Variants in LRRC56 observed in about 807,000 individuals in gnomAD.
The protein encoded by LRRC56 is leucine rich repeat containing 56.
A neutral mutation model predicts 47.8 loss-of-function variants in LRRC56; 41 were observed. That is an observed-to-expected ratio of 0.86 (90% CI 0.67 to 1.11). The LOEUF (loss-of-function observed/expected upper bound fraction) is 1.11. LRRC56 is among the 50% of genes most tolerant of loss of function. The pLI is 0.00. For missense variants in LRRC56, 759 were observed against 704.2 expected, an observed-to-expected ratio of 1.08 and a Z score of -0.88; for synonymous variants, 387 against 311.2, an observed-to-expected ratio of 1.24 and a Z score of -2.56.
Position 551,746 on chromosome 11 carries a change from C to A in LRRC56, c.892C>A (p.Leu298Met), listed in dbSNP as rs144149305. The change falls in exon 10 of 14, where the codon CTG (leucine) becomes ATG (methionine). Residue 298 changes from leucine to methionine, a missense_variant. Leu to Met is a conservative substitution (Grantham distance 15). Transcript: ENST00000270115. ...RASRPWPFSL[L>M]VRGGPLPEGL... ...CTCCAGGCCCTGGCCCTTCTCCCTG[C>A]TGGTCCGTGGGGGCCCCCTGCCTGA... 1.2e-5 allele frequency: 20 copies of A among 1,611,478 alleles called. No homozygotes were observed. Among genetic ancestry groups the A allele is most frequent in the Non-Finnish European group, 1.7e-5 (20 of 1,179,296 alleles).
chr11:551,532 C>CG, intron 9 of LRRC56, 119 bp from the exon 10 acceptor site: 1 of 1,098,718 alleles, frequency 9.1e-7, no homozygotes, highest in Non-Finnish European at 1.3e-6. Flanking sequence ...AAGGCTGCAG[C>CG]GTGAGAGGCC....
In LRRC56 at chr11:541,772, G is replaced by A. The variant is rs1038580547; in HGVS notation, c.265+148G>A. The A allele has an allele frequency of 3.7e-6, 2 of 542,720 alleles. No homozygotes were observed. Among genetic ancestry groups the A allele is most frequent in the African/African-American group, 2.0e-5 (1 of 50,882 alleles). The allele number at this position is 542,720 out of a possible 1,614,324, so 33.6% of individuals were successfully genotyped here. On this transcript the variant is annotated intron_variant, in intron 5 of 13. Transcript: ENST00000270115. The surrounding 1 kb of genome is among the most constrained non-coding windows in gnomAD (Gnocchi z 4.1). ...AGGGTTGGCCTCTGACCTGAGGTCT[G>A]TGTCAGGTACAGGCAGAGGGCAATG...
upstream of LRRC56, chr11:535,627 G>A (rs1851453070): frequency 6.6e-6 from 1 of 151,646 alleles, no homozygotes; most frequent in South Asian, 2.1e-4. Flanking sequence ...GCCTACCATT[G>A]GCTGCGCGCC....
the LRRC56 span, among the ~76,000 whole-genome samples, chr11:508,614 A>G: frequency 2.6e-5 from 4 of 151,730 alleles, no homozygotes; most frequent in African/African-American, 9.7e-5. Flanking sequence ...TAAAAATACA[A>G]AAATTAGCCA....
chr11:546,364 T>C (rs190633819), intron 6 of LRRC56, among the ~76,000 whole-genome samples: 19 of 150,942 alleles, frequency 1.3e-4, no homozygotes, highest in South Asian at 2.1e-4. Flanking sequence ...GTCAGGAGAT[T>C]GAGACCATAC....
chr11:532,966 G>A (rs970285163), upstream of LRRC56, among the ~76,000 whole-genome samples: 6 of 152,314 alleles, frequency 3.9e-5, no homozygotes, highest in South Asian at 2.1e-4. Flanking sequence ...GCCCCTCAAA[G>A]GTCAGGGTGG....
intron 3 of LRRC56, 131 bp from the exon 4 acceptor site, chr11:540,543 C>T (rs1207495553): frequency 7.0e-6 from 4 of 569,348 alleles, no homozygotes; most frequent in East Asian, 3.4e-5. Context: ...TCTCTAGGCT[C>T]GGGGTGGGGG....
upstream of LRRC56, chr11:532,735 G>A: frequency 1.2e-6 from 2 of 1,612,994 alleles, no homozygotes; most frequent in African/African-American, 1.3e-5. Flanking sequence ...GCACCAACGT[G>A]TAGAAGGCAT....
the LRRC56 span, among the ~76,000 whole-genome samples, chr11:530,316 T>A: frequency 1.3e-5 from 2 of 152,150 alleles, no homozygotes; most frequent in African/African-American, 4.8e-5. Flanking sequence ...CAGCACGGTG[T>A]GGAAGGAGCC....
At chr11:517,379 C>A in the LRRC56 span, among the ~76,000 whole-genome samples, 1 of 149,412 alleles carries the variant, frequency 6.7e-6, no homozygotes, top group Non-Finnish European at 1.5e-5. Context: ...TGCCCAGCTG[C>A]CCCGTCTGGG....
chr11:524,303 A>G, the LRRC56 span, among the ~76,000 whole-genome samples: 1 of 152,168 alleles, frequency 6.6e-6, no homozygotes, highest in African/African-American at 2.4e-5. Flanking sequence ...TGGCTCATGG[A>G]TTATTGACCA....
upstream of LRRC56, chr11:532,622 C>G (rs919648299): frequency 1.2e-6 from 2 of 1,608,694 alleles, no homozygotes; most frequent in South Asian, 2.2e-5. Flanking sequence ...CCCTGGGAGT[C>G]CCCCTCACCT....
the LRRC56 span, among the ~76,000 whole-genome samples, chr11:510,031 G>T: frequency 0.12 from 17,484 of 151,716 alleles, 1,105 homozygotes; most frequent in Middle Eastern, 0.15. Context: ...CTTTCCTTCC[G>T]ATCCTGCTCC....
At chr11:511,128 T>C in the LRRC56 span, among the ~76,000 whole-genome samples, 7 of 151,672 alleles carry the variant, frequency 4.6e-5, no homozygotes, top group Admixed American at 2.6e-4. Flanking sequence ...GAGACCATCC[T>C]GGCTAACACG....
At chr11:518,142 G>T in the LRRC56 span, among the ~76,000 whole-genome samples, 3 of 151,826 alleles carry the variant, frequency 2.0e-5, no homozygotes, top group Non-Finnish European at 4.4e-5. Context: ...CCCTCTCTGA[G>T]AAACACCCAA....
At chr11:520,440 C>T in the LRRC56 span, among the ~76,000 whole-genome samples, 6 of 152,198 alleles carry the variant, frequency 3.9e-5, no homozygotes, top group South Asian at 8.3e-4. Context: ...CCTGCCTCAG[C>T]CTCCCGAGTA....
At chr11:534,556 C>T (rs949494511), upstream of LRRC56, 1 of 590,180 alleles carries the variant, frequency 1.7e-6, no homozygotes, top group Non-Finnish European at 3.0e-6. Flanking sequence ...GGGCTGTCGC[C>T]TCGCCCCCAC....
At chr11:535,588 G>GC (rs113427647), upstream of LRRC56, 1 of 150,538 alleles carries the variant, frequency 6.6e-6, no homozygotes, top group Non-Finnish European at 1.5e-5. Context: ...CGCACGCCCC[G>GC]CCCCGCGCCC....
the LRRC56 span, among the ~76,000 whole-genome samples, chr11:521,302 C>T: frequency 0.029 from 4,481 of 152,246 alleles, 74 homozygotes; most frequent in Middle Eastern, 0.041. Context: ...GGCATACTTC[C>T]GCTTGGTTCT....
Sources: allele counts gnomAD v4.1 joint callset (sites outside exome capture counted in the v4.1 genomes callset), GRCh38; gene constraint gnomAD v4.1.1; non-coding constraint Gnocchi (gnomAD v3.1); transcripts MANE v1.5; gene names NCBI Gene and HGNC (gene_info 2026-07-23, HGNC 2026-07-21).